Variants in LAMB1 observed in about 807,000 individuals in gnomAD.
LAMB1 encodes laminin subunit beta 1, also known as laminin subunit beta-1.
LAMB1 carries 121 observed loss-of-function variants against 222.3 expected under a neutral mutation model. That is an observed-to-expected ratio of 0.54 (90% CI 0.47 to 0.63). LAMB1 has a LOEUF of 0.63. Among genes scored for constraint, LAMB1 ranks in the 30% least tolerant of loss-of-function variants. The pLI is 0.00. For missense variants in LAMB1, 2,172 were observed against 2,240.8 expected (o/e 0.97, Z 0.62); for synonymous variants, 794 against 807.2 (o/e 0.98, Z 0.28).
At chr7:107,942,554 T>G (rs2033016183) in intron 24 of LAMB1, 1 of 152,196 alleles carries the variant, frequency 6.6e-6, no homozygotes, top group Admixed American at 6.5e-5. Flanking sequence ...AGGTGGTAAA[T>G]CCTGCCTTCT....
At chr7:107,983,333 G>C (rs1184559515) in intron 7 of LAMB1, among the ~76,000 whole-genome samples, 1 of 151,936 alleles carries the variant, frequency 6.6e-6, no homozygotes, top group Non-Finnish European at 1.5e-5. Flanking sequence ...GCAAGAATCA[G>C]CCCCGCCTCT....
At chr7:107,956,045 C>A (rs1455442535) in intron 20 of LAMB1, among the ~76,000 whole-genome samples, 1 of 152,228 alleles carries the variant, frequency 6.6e-6, no homozygotes, top group African/African-American at 2.4e-5. Context: ...TATAGGCATG[C>A]ACCACCATGC....
rs764373799 is a variant in LAMB1, at chr7:107,924,235, A to C, written c.5219T>G (p.Leu1740Arg). 6.2e-7 allele frequency: 1 copy of C among 1,603,926 alleles called. No homozygotes were observed. The highest frequency in any genetic ancestry group is 2.2e-5 in the East Asian group (1 of 44,774). Residue 1740 changes from leucine (L) to arginine (R), a missense_variant, in exon 33 of 34, where the codon CTC becomes CGC. Leu to Arg is a moderately radical substitution (Grantham distance 102, BLOSUM62 -2). Transcript: ENST00000222399. ...GCCTGTGTGAAAAGACCCACCTTTG[A>C]GCAGTTGCAGCTTGCTATTTGCTTG... The part of the protein sequence containing the change: ...LAQANSKLQL[L>R]KDLERKYEDN...
intron 24 of LAMB1, among the ~76,000 whole-genome samples, chr7:107,948,426 T>C (rs1562983602): frequency 6.6e-6 from 1 of 152,070 alleles, no homozygotes; most frequent in Non-Finnish European, 1.5e-5. Flanking sequence ...GAGATGACAA[T>C]GTAGTGGGAA....
chr7:107,926,321 G>C lies in LAMB1; in HGVS notation c.4926C>G (p.Phe1642Leu). 1 of 1,613,898 alleles carries C rather than the reference G, an allele frequency of 6.2e-7. No individual in the cohort carries two copies. The highest frequency in any genetic ancestry group is 2.2e-5 in the East Asian group (1 of 44,884). The change falls in exon 32 of 34, where the codon TTC becomes TTG. Residue 1642 changes from phenylalanine (F) to leucine (L), a missense_variant. Physicochemically the swap from Phe to Leu is conservative, Grantham distance 22. Transcript: ENST00000222399. The part of the protein sequence containing the change: ...SETAASEETL[F>L]NASQRISELE... ...ACTCGCTGATGCGCTGGGACGCGTTGAACAAGGTTTCCTCAGAAGCTGCTG... is the reference window on the plus strand; with the variant it reads ...ACTCGCTGATGCGCTGGGACGCGTTCAACAAGGTTTCCTCAGAAGCTGCTG...
At chr7:107,998,213 T>C (rs2014426911) in intron 4 of LAMB1, 144 bp downstream of exon 4, 1 of 714,522 alleles carries the variant, frequency 1.4e-6, no homozygotes, top group East Asian at 2.6e-5. Context: ...CAAGAGAAGT[T>C]AGTGCTCCAG....
intron 26 of LAMB1, among the ~76,000 whole-genome samples, chr7:107,936,541 G>A (rs2032851532): frequency 6.6e-6 from 1 of 152,148 alleles, no homozygotes. Flanking sequence ...AGGGATGACG[G>A]TATTATATAT....
Position 107,932,294 on chromosome 7 carries a change from C to T in LAMB1, c.4272G>A (p.Lys1424=). ...PNCRTDEGER[K]CGGPGCGGLV... The stretch of plus-strand genomic sequence containing the variant: ...GACCACCACAGCCAGGCCCCCCACA[C>T]TTCCTCTCTCCTTCGTCAGTTCTGC... Residue 1424 remains lysine (K), a synonymous_variant, in exon 28 of 34, where the codon AAG becomes AAA. Transcript: ENST00000222399. The T allele has an allele frequency of 1.2e-6, 2 of 1,614,238 alleles. No individual in the cohort carries two copies. Among genetic ancestry groups the T allele is most frequent in the Middle Eastern group, 1.6e-4 (1 of 6,062 alleles).
Position 107,935,347 on chromosome 7 carries a change from G to GTTTTTTTTTTTTTTTTTTTTTT in LAMB1, c.4188+46_4188+67dup, listed in dbSNP as rs200599445. 6.8e-6 allele frequency: 8 copies of GTTTTTTTTTTTTTTTTTTTTTT among 1,173,270 alleles called. 1 individual carries two copies. In the African/African-American group the frequency reaches 1.7e-4, roughly 25 times the overall value. 72.7% of individuals were successfully genotyped at this position (1,173,270 alleles called of 1,614,324 possible). A position where few individuals can be genotyped will look rare whatever the true frequency, so the allele number is the denominator to read the frequency against. On this transcript the variant is annotated intron_variant, in intron 27 of 33. Coordinates refer to ENST00000222399, the MANE Select transcript of LAMB1 (RefSeq NM_002291.3). Reference sequence around the variant, plus strand: ...GACAAAAGATGGTTTGTTTTTCTTTGTTTTTTTTTTTTTTTTTTTTTTTTT... The same window carrying GTTTTTTTTTTTTTTTTTTTTTT: ...GACAAAAGATGGTTTGTTTTTCTTTGTTTTTTTTTTTTTTTTTTTTTTTTTTTTTTTTTTTTTTTTTTTTTTT...
At chr7:107,973,553 G>A (rs1004970352) in intron 12 of LAMB1, among the ~76,000 whole-genome samples, 2 of 152,294 alleles carry the variant, frequency 1.3e-5, no homozygotes, top group African/African-American at 4.8e-5. Flanking sequence ...GATCTTTAGA[G>A]CACCAGAGAT....
chr7:107,976,803 A>G (rs2033865455), intron 9 of LAMB1, among the ~76,000 whole-genome samples: 1 of 149,400 alleles, frequency 6.7e-6, no homozygotes, highest in African/African-American at 2.5e-5. Flanking sequence ...ACTCCCTCCC[A>G]TCTTCCTTCC....
intron 24 of LAMB1, among the ~76,000 whole-genome samples, chr7:107,945,436 G>C (rs1035620904): frequency 2.0e-5 from 3 of 152,192 alleles, no homozygotes; most frequent in Admixed American, 1.3e-4. Context: ...AGCACCGAAG[G>C]CTTCACACAA....
intron 7 of LAMB1, among the ~76,000 whole-genome samples, chr7:107,984,850 G>A (rs1028022562): frequency 1.3e-5 from 2 of 152,074 alleles, no homozygotes; most frequent in African/African-American, 4.8e-5. Context: ...TATTATATGG[G>A]ATATATGGGA....
At chr7:107,969,045 T>C (rs2033690667) in intron 13 of LAMB1, among the ~76,000 whole-genome samples, 1 of 152,170 alleles carries the variant, frequency 6.6e-6, no homozygotes, top group African/African-American at 2.4e-5. Context: ...TCCCAGCACT[T>C]TGGGAGTCCG....
chr7:107,995,348 T>C (rs913691714), intron 4 of LAMB1, among the ~76,000 whole-genome samples: 2 of 152,190 alleles, frequency 1.3e-5, no homozygotes, highest in South Asian at 2.1e-4. Flanking sequence ...CTGTGCACAG[T>C]AGGGGGTCAG....
chr7:107,999,949 G>C (rs1029666644), intron 3 of LAMB1: 2 of 151,944 alleles, frequency 1.3e-5, no homozygotes, highest in African/African-American at 4.8e-5. Flanking sequence ...CTCTAGTAAC[G>C]AACTATAGAA....
intron 1 of LAMB1, 58 bp from the exon 2 acceptor site, chr7:108,003,029 C>T: frequency 6.9e-7 from 1 of 1,449,564 alleles, no homozygotes; most frequent in Non-Finnish European, 9.0e-7. Context: ...AAGAGGCGCC[C>T]TTCCATTTCC....
chr7:107,986,500 G>T (rs2034080047), intron 5 of LAMB1, 137 bp from the exon 6 acceptor site: 2 of 669,634 alleles, frequency 3.0e-6, no homozygotes, highest in East Asian at 2.8e-5. Flanking sequence ...ACTGTGGCTG[G>T]ATTTCAAATA....
At chr7:107,980,981 C>T (rs1436616292) in intron 7 of LAMB1, among the ~76,000 whole-genome samples, 170 bp from the exon 8 acceptor site, 1 of 151,920 alleles carries the variant, frequency 6.6e-6, no homozygotes, top group Non-Finnish European at 1.5e-5. Context: ...CATAACATGA[C>T]TGCAAAGAGG....
Sources: gnomAD v4.1 joint callset for allele counts (sites outside exome capture counted in the v4.1 genomes callset) on GRCh38, gnomAD v4.1.1 for gene constraint, MANE v1.5 for transcripts, NCBI Gene and HGNC (gene_info 2026-07-23, HGNC 2026-07-21) for gene names.